Variants in DST observed in about 807,000 individuals in gnomAD.
The protein encoded by DST is dystonin, also known as bullous pemphigoid antigen.
A neutral mutation model predicts 875.2 loss-of-function variants in DST; 253 were observed. The ratio of observed to expected loss-of-function variants is 0.29; its 90% CI spans 0.26 to 0.32. The LOEUF (loss-of-function observed/expected upper bound fraction) is 0.32, where lower values mean the gene tolerates loss of function less well. DST is among the 10% of genes least tolerant of loss of function. DST has a pLI of 1.00. For synonymous variants in DST, 3,124 were observed against 3,197.1 expected, an observed-to-expected ratio of 0.98 and a Z score of 0.77; for missense variants, 8,287 against 9,111.6, an observed-to-expected ratio of 0.91 and a Z score of 3.68.
chr6:56,568,404 A>G (rs2097719446), intron 55 of DST, 65 bp downstream of exon 55: 4 of 1,515,722 alleles, frequency 2.6e-6, no homozygotes, highest in African/African-American at 1.4e-5. Flanking sequence ...AAAATAACAT[A>G]CACAAAATTG....
Position 56,778,295 on chromosome 6 carries a change from CA to C in DST, c.626-43007del, listed in dbSNP as rs554994639. Among the ~76,000 whole-genome samples the C allele has an allele frequency of 3.8e-3, 575 of 149,894 alleles. 11 individuals carry two copies. The highest frequency in any genetic ancestry group is 0.013 in the African/African-American group (547 of 40,728). The stretch of plus-strand genomic sequence containing the variant: ...GTACAGAACTGAGGCAGAAATATTG[CA>C]AGAGGATTACAGGTCTGAGGGCCTA... On this transcript the variant is annotated intron_variant, in intron 4 of 103. Transcript: ENST00000680361.
chr6:56,464,488 A>C (rs2094487535), intron 100 of DST, 197 bp downstream of exon 100: 1 of 595,644 alleles, frequency 1.7e-6, no homozygotes, highest in African/African-American at 1.9e-5. Context: ...GATCACTTAT[A>C]ACACCTGCAT....
rs1048229564 is a variant in DST, at chr6:56,954,666, G to A, written c.-79C>T. Reference sequence around the variant, plus strand: ...GGCACCCGCGCTGGGCGCACGCCGGGACGGCGGGCACGGGTGAGCGCGGCT... The same window carrying A: ...GGCACCCGCGCTGGGCGCACGCCGGAACGGCGGGCACGGGTGAGCGCGGCT... On this transcript the variant is annotated 5_prime_UTR_variant, in exon 1 of 104. Coordinates refer to ENST00000680361, the MANE Select transcript of DST (RefSeq NM_001374736.1). The A allele has an allele frequency of 4.2e-5, 43 of 1,030,954 alleles. No individual in the cohort carries two copies. The highest frequency in any genetic ancestry group is 4.3e-4 in the Middle Eastern group (1 of 2,336). The allele number at this position is 1,030,954 out of a possible 1,614,324, so 63.9% of individuals were successfully genotyped here. A position where few individuals can be genotyped will look rare whatever the true frequency, so the allele number is the denominator to read the frequency against.
At chr6:56,631,820 A>C in intron 29 of DST, 63 bp downstream of exon 29, 2 of 1,486,402 alleles carry the variant, frequency 1.3e-6, no homozygotes, top group Non-Finnish European at 1.9e-6. Flanking sequence ...AGAAGTCACA[A>C]GAGTTGATAC....
intron 69 of DST, among the ~76,000 whole-genome samples, chr6:56,522,016 C>A (rs4346846): frequency 0.66 from 100,398 of 151,894 alleles, 33,673 homozygotes; most frequent in Non-Finnish European, 0.7. Context: ...AGGAGCCGAA[C>A]CACCAACTCT....
At chr6:56,748,834 C>G (rs1180637305) in intron 4 of DST, among the ~76,000 whole-genome samples, 5 of 152,128 alleles carry the variant, frequency 3.3e-5, no homozygotes, top group Non-Finnish European at 7.3e-5. Context: ...AAGGGTGAAT[C>G]AAACCCATAC....
chr6:56,558,431 T>C (rs1052584121), intron 58 of DST, among the ~76,000 whole-genome samples: 1 of 152,088 alleles, frequency 6.6e-6, no homozygotes, highest in African/African-American at 2.4e-5. Context: ...GGCTCTACCC[T>C]GAGTTTTTGA....
At chr6:56,567,221 A>T (rs981875050) in intron 55 of DST, among the ~76,000 whole-genome samples, 1 of 152,320 alleles carries the variant, frequency 6.6e-6, no homozygotes, top group South Asian at 2.1e-4. Context: ...ACTTTCTCAT[A>T]CTAGTATCTA....
chr6:56,635,046 T>A, intron 24 of DST, 93 bp from the exon 25 acceptor site: 1 of 1,038,796 alleles, frequency 9.6e-7, no homozygotes, highest in Non-Finnish European at 1.4e-6. Flanking sequence ...ATCAGAAAAG[T>A]CTTCTCTCTG....
intron 14 of DST, 42 bp from the exon 15 acceptor site, chr6:56,646,035 A>G: frequency 6.3e-7 from 1 of 1,593,324 alleles, no homozygotes; most frequent in Non-Finnish European, 8.5e-7. Context: ...AAAAATGAAA[A>G]CAAAACAAAA....
chr6:56,744,549 AGAAG>A (rs1174811927), intron 4 of DST, among the ~76,000 whole-genome samples: 3 of 152,224 alleles, frequency 2.0e-5, no homozygotes, highest in African/African-American at 7.2e-5. Flanking sequence ...TATAGACGAA[AGAAG>A]GAAGGAATAG....
At chr6:56,712,983 C>T (rs1425580039) in intron 5 of DST, among the ~76,000 whole-genome samples, 2 of 152,046 alleles carry the variant, frequency 1.3e-5, no homozygotes, top group African/African-American at 4.8e-5. Flanking sequence ...TTTGAAACAA[C>T]AACAAAAAAA....
intron 9 of DST, among the ~76,000 whole-genome samples, chr6:56,692,132 G>T (rs969018007): frequency 2.6e-5 from 4 of 152,146 alleles, no homozygotes; most frequent in Non-Finnish European, 5.9e-5. Flanking sequence ...TCTTACTGTA[G>T]TGCTTTTTAA....
chr6:56,684,707 G>A (rs2099172274), intron 9 of DST, among the ~76,000 whole-genome samples: 1 of 152,152 alleles, frequency 6.6e-6, no homozygotes, highest in Non-Finnish European at 1.5e-5. Flanking sequence ...TGTTTCAGCA[G>A]CCACAGTAAT....
At chr6:56,786,455 A>G (rs1488236226) in intron 4 of DST, among the ~76,000 whole-genome samples, 15 of 152,174 alleles carry the variant, frequency 9.9e-5, no homozygotes, top group Non-Finnish European at 1.6e-4. Context: ...TGTGTTTATC[A>G]CCAAGCTCCA....
Position 56,532,552 on chromosome 6 carries a change from T to G in DST, c.16942-42A>C, listed in dbSNP as rs771052517. ...AAATATAAAAAAGCAAGGGAATAAT[T>G]GTATGAATATAAAGTACAATGTATT... is the stretch of plus-strand genomic sequence containing the variant. On this transcript the variant is annotated intron_variant, in intron 63 of 103. Transcript: ENST00000680361. 8 of 1,505,206 alleles carry G rather than the reference T, an allele frequency of 5.3e-6. No individual in the cohort carries two copies. In the East Asian group the frequency reaches 2.0e-4, roughly 37 times the overall value. 93.2% of individuals were successfully genotyped at this position (1,505,206 alleles called of 1,614,324 possible).
chr6:56,648,547 G>A (rs2098957457), intron 13 of DST, 23 bp downstream of exon 13: 19 of 1,547,670 alleles, frequency 1.2e-5, no homozygotes, highest in Non-Finnish European at 1.6e-5. Context: ...TCAATCCTAT[G>A]TAATTTCTAC....
At chr6:56,873,057 C>T (rs972855854) in intron 3 of DST, among the ~76,000 whole-genome samples, 1 of 152,066 alleles carries the variant, frequency 6.6e-6, no homozygotes. Flanking sequence ...GCGATGATAT[C>T]CCATTGTAGT....
At chr6:56,782,426 T>G (rs1371255702) in intron 4 of DST, among the ~76,000 whole-genome samples, 1 of 152,082 alleles carries the variant, frequency 6.6e-6, no homozygotes, top group Admixed American at 6.5e-5. Context: ...ATTCAGAGAT[T>G]CAACTTCTTC....
Sources: gnomAD v4.1 joint callset for allele counts (sites outside exome capture counted in the v4.1 genomes callset) on GRCh38, gnomAD v4.1.1 for gene constraint, MANE v1.5 for transcripts, NCBI Gene and HGNC (gene_info 2026-07-23, HGNC 2026-07-21) for gene names.